GALNTL6: variants seen among roughly 807,000 people sequenced by gnomAD.
The protein encoded by GALNTL6 is polypeptide N-acetylgalactosaminyltransferase like 6.
GALNTL6 carries 46 observed loss-of-function variants against 73.7 expected under a neutral mutation model. That is an observed-to-expected ratio of 0.62 (90% confidence interval 0.49 to 0.80). The LOEUF (loss-of-function observed/expected upper bound fraction) is 0.80. Ranked by LOEUF, GALNTL6 falls within the 30% of genes least tolerant of loss-of-function variation. The pLI is 0.00. For synonymous variants in GALNTL6, 259 were observed against 263.7 expected (o/e 0.98, Z 0.17); for missense variants, 604 against 755.0 (o/e 0.80, Z 2.34).
intron 2 of GALNTL6, among the ~76,000 whole-genome samples, chr4:172,086,094 T>C (rs1732024844): frequency 1.3e-5 from 2 of 152,150 alleles, no homozygotes; most frequent in Admixed American, 1.3e-4. Context: ...AGCATTAATA[T>C]TCTCTCGGCT....
chr4:172,499,477 G>A (rs923141110), intron 5 of GALNTL6, among the ~76,000 whole-genome samples: 7 of 152,182 alleles, frequency 4.6e-5, no homozygotes, highest in Non-Finnish European at 8.8e-5. Flanking sequence ...CACAGTCTAT[G>A]GCATTTTGTT....
At chr4:172,728,780 A>G (rs558797114) in intron 5 of GALNTL6, among the ~76,000 whole-genome samples, 84 of 152,328 alleles carry the variant, frequency 5.5e-4, no homozygotes, top group African/African-American at 1.9e-3. Flanking sequence ...TTCTACTTGT[A>G]GGTTTTTGAG....
intron 5 of GALNTL6, among the ~76,000 whole-genome samples, chr4:172,791,590 G>C (rs1207352554): frequency 6.6e-6 from 1 of 152,144 alleles, no homozygotes; most frequent in East Asian, 1.9e-4. Context: ...GGGGTTGTGA[G>C]TTATGTCCTC....
intron 2 of GALNTL6, among the ~76,000 whole-genome samples, chr4:171,829,828 T>C (rs1160342456): frequency 1.3e-5 from 2 of 152,046 alleles, no homozygotes; most frequent in African/African-American, 2.4e-5. Context: ...CATGTACTAC[T>C]CCCTGAAACC....
At chr4:171,897,719 C>G (rs1014780998) in intron 2 of GALNTL6, among the ~76,000 whole-genome samples, 3 of 150,454 alleles carry the variant, frequency 2.0e-5, no homozygotes, top group African/African-American at 7.3e-5. Context: ...GGCGCAATTT[C>G]GGCTCACTGC....
intron 5 of GALNTL6, among the ~76,000 whole-genome samples, chr4:172,760,778 C>A (rs1430402274): frequency 6.6e-6 from 1 of 152,164 alleles, no homozygotes; most frequent in African/African-American, 2.4e-5. Flanking sequence ...GACTACCCCC[C>A]ACAATGTGGG....
chr4:172,401,901 AAG>A (rs139098045), intron 5 of GALNTL6, among the ~76,000 whole-genome samples: 229 of 126,308 alleles, frequency 1.8e-3, no homozygotes, highest in Admixed American at 2.4e-3. Context: ...CTGGAGGAGG[AAG>A]AGAGAGAGAG....
At chr4:172,973,108 T>C (rs778624464) in intron 10 of GALNTL6, among the ~76,000 whole-genome samples, 5 of 152,196 alleles carry the variant, frequency 3.3e-5, no homozygotes, top group Non-Finnish European at 5.9e-5. Context: ...TAAATCAACA[T>C]TTTGCAATTC....
chr4:172,618,899 T>C (rs891451301), intron 5 of GALNTL6, among the ~76,000 whole-genome samples: 2 of 152,052 alleles, frequency 1.3e-5, no homozygotes, highest in Non-Finnish European at 2.9e-5. Flanking sequence ...AATTGTTGTA[T>C]TTTTAATAAA....
rs1246764845 is a variant in GALNTL6, at chr4:172,000,289, C to T, written c.138+185571C>T. Among the ~76,000 whole-genome samples the T allele has an allele frequency of 2.6e-5, 4 of 152,136 alleles. No homozygotes were observed. The East Asian group carries it at 7.7e-4, about 29-fold the overall frequency. On this transcript the variant is annotated intron_variant, in intron 2 of 12. Coordinates refer to ENST00000506823, the MANE Select transcript of GALNTL6 (RefSeq NM_001034845.3). ...ATAAACTCTCCTTGGTCAGAATCTT[C>T]CTGCTTACAGATAAATTGAATTGCC...
At chr4:172,187,446 C>A (rs983251940) in intron 2 of GALNTL6, among the ~76,000 whole-genome samples, 1 of 152,052 alleles carries the variant, frequency 6.6e-6, no homozygotes, top group Non-Finnish European at 1.5e-5. Context: ...ACTACCCTCT[C>A]GAGACAATCA....
At chr4:171,903,551 G>T (rs1737175486) in intron 2 of GALNTL6, among the ~76,000 whole-genome samples, 4 of 149,538 alleles carry the variant, frequency 2.7e-5, no homozygotes, top group Admixed American at 2.6e-4. Flanking sequence ...CTGCAAGGCG[G>T]CAGCGAGGCT....
chr4:172,729,774 A>G (rs1736040419), intron 5 of GALNTL6, among the ~76,000 whole-genome samples: 2 of 152,132 alleles, frequency 1.3e-5, no homozygotes, highest in African/African-American at 2.4e-5. Flanking sequence ...GCAGAATGTC[A>G]TTGGTATTTT....
chr4:172,754,079 A>G (rs1188453133), intron 5 of GALNTL6, among the ~76,000 whole-genome samples: 1 of 152,236 alleles, frequency 6.6e-6, no homozygotes, highest in Non-Finnish European at 1.5e-5. Flanking sequence ...TTTAAGGTAT[A>G]GAACTCTAAC....
intron 3 of GALNTL6, among the ~76,000 whole-genome samples, chr4:172,249,024 T>C (rs1197647387): frequency 6.6e-6 from 1 of 152,034 alleles, no homozygotes; most frequent in African/African-American, 2.4e-5. Flanking sequence ...TACCTGAAAA[T>C]GTGAAAGTGA....
chr4:172,483,646 TTTAA>T (rs1733572414), intron 5 of GALNTL6, among the ~76,000 whole-genome samples: 2 of 152,160 alleles, frequency 1.3e-5, no homozygotes, highest in South Asian at 2.1e-4. Flanking sequence ...ACTGTGAGTG[TTTAA>T]TTATTAATGT....
At chr4:173,036,053 A>G (rs1658895301) in intron 12 of GALNTL6, among the ~76,000 whole-genome samples, 1 of 152,194 alleles carries the variant, frequency 6.6e-6, no homozygotes, top group Non-Finnish European at 1.5e-5. Context: ...GCATACTGTC[A>G]TTTACATGTT....
intron 10 of GALNTL6, among the ~76,000 whole-genome samples, chr4:173,004,771 T>C (rs908831056): frequency 2.0e-5 from 3 of 152,224 alleles, no homozygotes; most frequent in African/African-American, 7.2e-5. Context: ...TCCTCTCTGA[T>C]GTCCTCACTA....
intron 5 of GALNTL6, among the ~76,000 whole-genome samples, chr4:172,364,612 CTGAG>C (rs1431805364): frequency 6.6e-6 from 1 of 152,158 alleles, no homozygotes; most frequent in Non-Finnish European, 1.5e-5. Context: ...TCCCTTAACA[CTGAG>C]TGTCAGTAGC....
Sources: gnomAD v4.1 joint callset for allele counts (sites outside exome capture counted in the v4.1 genomes callset) on GRCh38, gnomAD v4.1.1 for gene constraint, MANE v1.5 for transcripts, NCBI Gene and HGNC (gene_info 2026-07-23, HGNC 2026-07-21) for gene names.